The following SLC44A5 variants were observed in gnomAD, a reference collection of about 807,000 sequenced individuals.
The protein encoded by SLC44A5 is solute carrier family 44 member 5.
SLC44A5 carries 57 observed loss-of-function variants against 101.8 expected under a neutral mutation model. That is an observed-to-expected ratio of 0.56 (90% CI 0.45 to 0.70). The LOEUF is 0.70. SLC44A5 is among the 30% of genes least tolerant of loss of function. SLC44A5 has a pLI of 0.00. For missense variants in SLC44A5, 737 were observed against 853.1 expected, an observed-to-expected ratio of 0.86 and a Z score of 1.70; for synonymous variants, 281 against 290.9, an observed-to-expected ratio of 0.97 and a Z score of 0.35.
At chr1:75,710,772 T>C in the SLC44A5 span, among the ~76,000 whole-genome samples, 2,385 of 152,134 alleles carry the variant, frequency 0.016, 71 homozygotes, top group African/African-American at 0.053. Flanking sequence ...GAGGTTTTAC[T>C]GTGAAGATAC....
At chr1:75,672,868 TG>T in the SLC44A5 span, among the ~76,000 whole-genome samples, 5 of 152,096 alleles carry the variant, frequency 3.3e-5, no homozygotes, top group African/African-American at 9.7e-5. Flanking sequence ...GGAAACTCAT[TG>T]CCTTGAAGGG....
At chr1:75,304,423 C>T (rs1228051234) in intron 4 of SLC44A5, among the ~76,000 whole-genome samples, 1 of 151,914 alleles carries the variant, frequency 6.6e-6, no homozygotes, top group Non-Finnish European at 1.5e-5. Context: ...ATAATTAGTG[C>T]TTAGAAAGTT....
intron 16 of SLC44A5, among the ~76,000 whole-genome samples, 193 bp downstream of exon 16, chr1:75,219,064 G>A (rs966941409): frequency 6.6e-6 from 1 of 152,036 alleles, no homozygotes; most frequent in Non-Finnish European, 1.5e-5. Context: ...GAAATACAGT[G>A]CTTTCTCTCC....
chr1:75,207,781 G>A (rs1646777482), intron 23 of SLC44A5, among the ~76,000 whole-genome samples: 2 of 152,100 alleles, frequency 1.3e-5, no homozygotes, highest in South Asian at 2.1e-4. Context: ...AATATGAAAT[G>A]CAAAATTCCA....
At chr1:75,651,219 G>T in the SLC44A5 span, among the ~76,000 whole-genome samples, 18 of 152,242 alleles carry the variant, frequency 1.2e-4, no homozygotes, top group Admixed American at 9.8e-4. Flanking sequence ...GTACCTAAAA[G>T]CATGGTTGTA....
chr1:75,398,853 C>T (rs1370513150), intron 2 of SLC44A5, among the ~76,000 whole-genome samples: 1 of 151,654 alleles, frequency 6.6e-6, no homozygotes, highest in Non-Finnish European at 1.5e-5. Context: ...CGTAAGATAC[C>T]AAAGCCATAC....
chr1:75,316,495 C>T (rs1272098960), intron 4 of SLC44A5, among the ~76,000 whole-genome samples: 2 of 152,206 alleles, frequency 1.3e-5, no homozygotes, highest in Admixed American at 6.5e-5. Context: ...TTACCTCTGG[C>T]ATAACACTGT....
At chr1:75,686,735 C>T in the SLC44A5 span, among the ~76,000 whole-genome samples, 1 of 152,172 alleles carries the variant, frequency 6.6e-6, no homozygotes, top group African/African-American at 2.4e-5. Context: ...GAAGCTATTA[C>T]AACACATCCC....
At chr1:75,531,836 A>G (rs1048042354) in intron 2 of SLC44A5, among the ~76,000 whole-genome samples, 1 of 152,222 alleles carries the variant, frequency 6.6e-6, no homozygotes, top group Non-Finnish European at 1.5e-5. Context: ...ATTGTGTGGT[A>G]AATAGATTAA....
chr1:75,501,585 C>T (rs1668960890), intron 2 of SLC44A5, among the ~76,000 whole-genome samples: 1 of 152,060 alleles, frequency 6.6e-6, no homozygotes, highest in Admixed American at 6.6e-5. Context: ...TTTTCAAATC[C>T]ACTTTCTCAT....
chr1:75,433,832 T>C (rs1664742981), intron 2 of SLC44A5, among the ~76,000 whole-genome samples: 1 of 152,098 alleles, frequency 6.6e-6, no homozygotes. Context: ...GATTCACAGT[T>C]CCACATGGCT....
At chr1:75,540,046 C>T (rs926413815) in intron 2 of SLC44A5, among the ~76,000 whole-genome samples, 1 of 93,086 alleles carries the variant, frequency 1.1e-5, no homozygotes, top group Admixed American at 1.2e-4. Context: ...TTTCAGCTCA[C>T]ATAAGCCAAT....
chr1:75,660,283 C>A, the SLC44A5 span, among the ~76,000 whole-genome samples: 36 of 152,180 alleles, frequency 2.4e-4, 1 homozygote, highest in East Asian at 6.6e-3. Flanking sequence ...AATTCAGTAT[C>A]TTTTCATGAT....
chr1:75,246,185 A>C (rs1432699034), intron 7 of SLC44A5, among the ~76,000 whole-genome samples: 3 of 152,144 alleles, frequency 2.0e-5, no homozygotes, highest in Non-Finnish European at 4.4e-5. Context: ...ACACTCAGTT[A>C]CAAATTGGAA....
At chr1:75,439,129 G>C (rs1353106913) in intron 2 of SLC44A5, among the ~76,000 whole-genome samples, 1 of 151,988 alleles carries the variant, frequency 6.6e-6, no homozygotes, top group Non-Finnish European at 1.5e-5. Context: ...CATGATCTTG[G>C]GGGCAGATTT....
intron 1 of SLC44A5, among the ~76,000 whole-genome samples, chr1:75,563,325 A>T (rs1209227917): frequency 6.9e-6 from 1 of 143,896 alleles, no homozygotes; most frequent in African/African-American, 2.5e-5. Flanking sequence ...GAAGATGATG[A>T]AAAGATAAGG....
At chr1:75,405,129 T>A (rs1308593577) in intron 2 of SLC44A5, among the ~76,000 whole-genome samples, 1 of 152,190 alleles carries the variant, frequency 6.6e-6, no homozygotes, top group Non-Finnish European at 1.5e-5. Flanking sequence ...AAGGGATCAA[T>A]GCAACAAGAA....
intron 23 of SLC44A5, among the ~76,000 whole-genome samples, chr1:75,207,924 C>T (rs1448060477): frequency 6.6e-6 from 1 of 152,166 alleles, no homozygotes; most frequent in Non-Finnish European, 1.5e-5. Flanking sequence ...GTCTAGGATG[C>T]TCTTCCCTTA....
intron 6 of SLC44A5, among the ~76,000 whole-genome samples, chr1:75,251,535 C>A (rs1199989028): frequency 6.6e-6 from 1 of 151,884 alleles, no homozygotes; most frequent in East Asian, 1.9e-4. Context: ...TTTGTATACC[C>A]ATAAGGTAGA....
Sources: gnomAD v4.1 joint callset for allele counts (sites outside exome capture counted in the v4.1 genomes callset) on GRCh38, gnomAD v4.1.1 for gene constraint, MANE v1.5 for transcripts, NCBI Gene and HGNC (gene_info 2026-07-23, HGNC 2026-07-21) for gene names.